CPS1: variants seen among roughly 807,000 people sequenced by gnomAD.
CPS1 encodes carbamoyl-phosphate synthase [ammonia], mitochondrial.
Under a neutral mutation model 174.6 loss-of-function variants are expected in CPS1, and 109 were observed. That is an observed-to-expected ratio of 0.62 (90% CI 0.53 to 0.73). The LOEUF (loss-of-function observed/expected upper bound fraction) is 0.73, where lower values mean the gene tolerates loss of function less well. Among genes scored for constraint, CPS1 ranks in the 30% least tolerant of loss-of-function variants. The pLI is 0.00. For missense variants in CPS1, 1,689 were observed against 1,821.9 expected (o/e 0.93, Z 1.33); for synonymous variants, 637 against 632.0 (o/e 1.01, Z -0.12).
At chr2:210,585,242 C>G (rs1442368558) in intron 6 of CPS1, among the ~76,000 whole-genome samples, 1 of 151,940 alleles carries the variant, frequency 6.6e-6, no homozygotes. Context: ...AAGGAATATA[C>G]AAAGCCAGTA....
At chr2:210,516,370 C>G (rs891812018) in intron 1 of CPS1, among the ~76,000 whole-genome samples, 1 of 151,872 alleles carries the variant, frequency 6.6e-6, no homozygotes, top group Non-Finnish European at 1.5e-5. Context: ...CCAATTGATT[C>G]ACAATGCCTA....
At chr2:210,530,954 A>G (rs577493794) in intron 1 of CPS1, among the ~76,000 whole-genome samples, 1 of 152,146 alleles carries the variant, frequency 6.6e-6, no homozygotes, top group South Asian at 2.1e-4. Flanking sequence ...CTTAGTTAAT[A>G]TCAGAAAAAT....
At chr2:210,486,297 T>C (rs939516283) in intron 1 of CPS1, among the ~76,000 whole-genome samples, 7 of 152,138 alleles carry the variant, frequency 4.6e-5, no homozygotes, top group Non-Finnish European at 8.8e-5. Context: ...AAGTCATTTA[T>C]GAGATATATG....
intron 6 of CPS1, among the ~76,000 whole-genome samples, chr2:210,587,692 C>T (rs891737097): frequency 6.6e-6 from 1 of 152,088 alleles, no homozygotes; most frequent in African/African-American, 2.4e-5. Context: ...TCTATTGCCA[C>T]ATCTGTCTAG....
chr2:210,554,021 C>T (rs1040929189), upstream of CPS1, among the ~76,000 whole-genome samples: 3 of 149,224 alleles, frequency 2.0e-5, no homozygotes, highest in Admixed American at 1.3e-4. Flanking sequence ...TTTCTGCCTT[C>T]TCCTCCTTCA....
At chr2:210,658,801 C>A in intron 31 of CPS1, 113 bp downstream of exon 31, 2 of 776,078 alleles carry the variant, frequency 2.6e-6, no homozygotes, top group Non-Finnish European at 4.5e-6. Context: ...ACTGAGACCC[C>A]TGGATCTGTT....
chr2:210,600,844 T>A (rs181529286), intron 15 of CPS1, 132 bp downstream of exon 15: 25 of 1,049,764 alleles, frequency 2.4e-5, no homozygotes, highest in Non-Finnish European at 3.3e-5. Flanking sequence ...ATTGTGTTAA[T>A]AGTTTAGAAA....
intron 14 of CPS1, among the ~76,000 whole-genome samples, chr2:210,600,233 A>C (rs1196025214): frequency 1.3e-5 from 2 of 151,922 alleles, no homozygotes; most frequent in African/African-American, 4.8e-5. Context: ...TAAATTATAG[A>C]ATCTCATTAT....
intron 3 of CPS1, 114 bp from the exon 4 acceptor site, chr2:210,577,307 C>A: frequency 2.5e-6 from 2 of 809,632 alleles, no homozygotes; most frequent in Non-Finnish European, 4.3e-6. Flanking sequence ...TTTTAAAAAT[C>A]CTAAGTCTCA....
chr2:210,654,242 T>A, intron 29 of CPS1, 140 bp downstream of exon 29: 1 of 735,412 alleles, frequency 1.4e-6, no homozygotes, highest in Non-Finnish European at 2.4e-6. Flanking sequence ...GTAAAAAAAA[T>A]CAAATTCTCT....
At chr2:210,603,082 A>G (rs1698782932) in intron 16 of CPS1, among the ~76,000 whole-genome samples, 1 of 151,960 alleles carries the variant, frequency 6.6e-6, no homozygotes, top group South Asian at 2.1e-4. Context: ...CTATTTCCAC[A>G]AAATAGAACA....
At chr2:210,604,355 A>T (rs1481733792) in intron 16 of CPS1, among the ~76,000 whole-genome samples, 1 of 151,916 alleles carries the variant, frequency 6.6e-6, no homozygotes, top group Non-Finnish European at 1.5e-5. Context: ...AGACAATAAG[A>T]CATTTCTCCC....
At chr2:210,581,194 G>A (rs1380557259) in intron 5 of CPS1, among the ~76,000 whole-genome samples, 4 of 152,098 alleles carry the variant, frequency 2.6e-5, no homozygotes, top group Admixed American at 2.6e-4. Context: ...GGCTATGAGG[G>A]CGGGAAAGGA....
intron 12 of CPS1, among the ~76,000 whole-genome samples, chr2:210,595,155 A>C (rs990905476): frequency 2.6e-5 from 4 of 151,858 alleles, no homozygotes; most frequent in African/African-American, 9.7e-5. Context: ...ATTTAGAAGG[A>C]TATATGTGTA....
At chr2:210,615,965 G>A (rs1344317301) in intron 20 of CPS1, among the ~76,000 whole-genome samples, 1 of 152,062 alleles carries the variant, frequency 6.6e-6, no homozygotes, top group Non-Finnish European at 1.5e-5. Flanking sequence ...TTGTGTGAAT[G>A]TGGAGTGAGG....
At chr2:210,566,885 A>G (rs929350726) in intron 1 of CPS1, among the ~76,000 whole-genome samples, 1 of 152,168 alleles carries the variant, frequency 6.6e-6, no homozygotes, top group African/African-American at 2.4e-5. Flanking sequence ...TCGGTGACAC[A>G]ACATGCTCCC....
chr2:210,521,563 A>T (rs1413815189), intron 1 of CPS1, among the ~76,000 whole-genome samples: 1 of 151,860 alleles, frequency 6.6e-6, no homozygotes, highest in Non-Finnish European at 1.5e-5. Flanking sequence ...TTCCATTGCT[A>T]TGTGTTTGAG....
intron 1 of CPS1, among the ~76,000 whole-genome samples, chr2:210,548,100 A>G (rs866999311): frequency 8.7e-4 from 133 of 152,172 alleles, no homozygotes; most frequent in African/African-American, 3.2e-3. Flanking sequence ...AAATATTCTA[A>G]TGTGAAAAGA....
chr2:210,605,039 A>G (rs1482297597), intron 16 of CPS1, 63 bp from the exon 17 acceptor site: 6 of 1,596,114 alleles, frequency 3.8e-6, no homozygotes, highest in South Asian at 3.3e-5. Flanking sequence ...TATTTTGCCA[A>G]ATATCCTTGT....
Sources: allele counts gnomAD v4.1 joint callset (sites outside exome capture counted in the v4.1 genomes callset), GRCh38; gene constraint gnomAD v4.1.1; transcripts MANE v1.5; gene names NCBI Gene and HGNC (gene_info 2026-07-23, HGNC 2026-07-21).